POLA2: variants seen among roughly 807,000 people sequenced by gnomAD.
POLA2 encodes the protein DNA polymerase alpha 2, accessory subunit, also known as DNA polymerase alpha subunit B.
A neutral mutation model predicts 82.8 loss-of-function variants in POLA2; 47 were observed. The ratio of observed to expected loss-of-function variants is 0.57; its 90% confidence interval spans 0.45 to 0.72. POLA2 has a LOEUF of 0.72. Among genes scored for constraint, POLA2 ranks in the 30% least tolerant of loss-of-function variants. The probability of loss-of-function intolerance (pLI) is 0.00; values close to 1 mark genes in which losing one functional copy is unlikely to be tolerated. For missense variants in POLA2, 634 were observed against 728.1 expected, an observed-to-expected ratio of 0.87 and a Z score of 1.49; for synonymous variants, 287 against 286.8, an observed-to-expected ratio of 1.00 and a Z score of -0.01.
downstream of POLA2, among the ~76,000 whole-genome samples, chr11:65,302,818 C>T (rs1257328490): frequency 2.0e-5 from 3 of 152,084 alleles, no homozygotes; most frequent in East Asian, 5.8e-4. Context: ...GCCTCAACCT[C>T]CCAGGCTCAA....
chr11:65,302,432 C>T (rs1162803532), downstream of POLA2, among the ~76,000 whole-genome samples: 2 of 152,162 alleles, frequency 1.3e-5, no homozygotes, highest in Non-Finnish European at 2.9e-5. Context: ...CCTCCCACCA[C>T]CTGCCTCCTA....
rs1590910887 is a variant in POLA2, at chr11:65,294,652, G to C, written c.1460G>C (p.Ser487Thr). The change falls in exon 15 of 18, where the codon AGT becomes ACT. Residue 487 changes from serine (S) to threonine (T), a missense_variant and splice_region_variant. Physicochemically the swap from Ser to Thr is moderately conservative, Grantham distance 58 (BLOSUM62 1). Transcript: ENST00000265465. ...CACCTGGGGGCCGAGGAGATCAGTA[G>C]GTAAGAAGTGTGTTCCAGGCCCCAA... ...LFHLGAEEIS[S>T]SSGTSDRFSR... 1 of 1,603,940 alleles carries C rather than the reference G, an allele frequency of 6.2e-7. No individual in the cohort carries two copies. Among genetic ancestry groups the C allele is most frequent in the Non-Finnish European group, 8.5e-7 (1 of 1,171,438 alleles).
Position 65,268,660 on chromosome 11 carries a change from C to T in POLA2, c.297-12C>T, listed in dbSNP as rs2095388531. ...CCCAGCCATTATTGTTTTTCTTAAC[C>T]AGTGTTCTTAGAATTGAAGTGGAAG... On this transcript the variant is annotated splice_polypyrimidine_tract_variant and intron_variant, in intron 3 of 17. Transcript: ENST00000265465. 6.3e-7 allele frequency: 1 copy of T among 1,577,132 alleles called. No individual in the cohort carries two copies. Among genetic ancestry groups the T allele is most frequent in the Admixed American group, 1.7e-5 (1 of 57,150 alleles).
chr11:65,282,614 A>G (rs1949653185), intron 10 of POLA2, 93 bp downstream of exon 10: 2 of 1,076,614 alleles, frequency 1.9e-6, no homozygotes, highest in Middle Eastern at 4.0e-4. Context: ...AAGCTGCAGA[A>G]GCTGCTGAAG....
Position 65,284,284 on chromosome 11 carries a change from G to A in POLA2, c.1006+1763G>A, listed in dbSNP as rs79015364. Among the ~76,000 whole-genome samples the A allele has an allele frequency of 3.4e-3, 515 of 152,066 alleles. 6 individuals carry two copies. The highest frequency in any genetic ancestry group is 0.012 in the African/African-American group (483 of 41,460). The stretch of plus-strand genomic sequence containing the variant: ...GAGCCCAGTTTAAGTTTAGCCTCCC[G>A]GCACATAGTGGGTCTGCATCTCTAC... On this transcript the variant is annotated intron_variant, in intron 10 of 17. Transcript: ENST00000265465.
chr11:65,265,556 C>T (rs1159958457), intron 1 of POLA2, among the ~76,000 whole-genome samples: 1 of 152,130 alleles, frequency 6.6e-6, no homozygotes, highest in Non-Finnish European at 1.5e-5. Context: ...TCACAGCTCA[C>T]TGCAGCCTCA....
At chr11:65,284,045 G>A (rs1041684863) in intron 10 of POLA2, among the ~76,000 whole-genome samples, 2 of 151,858 alleles carry the variant, frequency 1.3e-5, no homozygotes, top group Non-Finnish European at 2.9e-5. Flanking sequence ...GAGGTGCGGG[G>A]ATCACTTGAG....
intron 10 of POLA2, among the ~76,000 whole-genome samples, chr11:65,285,574 C>CAAAA (rs573912827): frequency 1.6e-5 from 1 of 63,018 alleles, no homozygotes; most frequent in African/African-American, 5.9e-5. Flanking sequence ...GATCCTATCT[C>CAAAA]AAAAAAAAAA....
At chr11:65,283,627 C>A (rs554208910) in intron 10 of POLA2, among the ~76,000 whole-genome samples, 1 of 151,784 alleles carries the variant, frequency 6.6e-6, no homozygotes, top group Non-Finnish European at 1.5e-5. Context: ...ACACCACACC[C>A]GGCTAATTTT....
chr11:65,296,138 G>T lies in POLA2; in HGVS notation c.1647+148G>T, dbSNP rs1949808943. The T allele has an allele frequency of 2.2e-5, 18 of 812,538 alleles. No homozygotes were observed. In the South Asian group the frequency reaches 2.8e-4, roughly 13 times the overall value. 50.3% of individuals were successfully genotyped at this position (812,538 alleles called of 1,614,324 possible). A position where few individuals can be genotyped will look rare whatever the true frequency, so the allele number is the denominator to read the frequency against. On this transcript the variant is annotated intron_variant, in intron 17 of 17. Transcript: ENST00000265465. ...CCCTGTGGCCTTGTTTCTTTGGGGA[G>T]GTGGTGGGACCAGAAAACAAACAAC...
chr11:65,294,096 T>C, intron 13 of POLA2, 57 bp from the exon 14 acceptor site: 1 of 1,465,430 alleles, frequency 6.8e-7, no homozygotes, highest in Non-Finnish European at 9.6e-7. Flanking sequence ...GCGCAGCTGT[T>C]CTAACTCAAC....
chr11:65,292,161 A>G (rs1343082557), intron 13 of POLA2, among the ~76,000 whole-genome samples: 1 of 152,154 alleles, frequency 6.6e-6, no homozygotes, highest in Non-Finnish European at 1.5e-5. Context: ...GCTTGAACCC[A>G]GGAGGTAGAG....
At chr11:65,294,363 G>A in intron 14 of POLA2, 102 bp downstream of exon 14, 10 of 1,035,374 alleles carry the variant, frequency 9.7e-6, no homozygotes, top group Non-Finnish European at 1.5e-5. Flanking sequence ...TCTTTAGGGT[G>A]TGCGTACAGC....
At chr11:65,283,333 C>G (rs905697850) in intron 10 of POLA2, among the ~76,000 whole-genome samples, 2 of 152,084 alleles carry the variant, frequency 1.3e-5, no homozygotes, top group African/African-American at 4.8e-5. Flanking sequence ...GCATTAATGC[C>G]TTAATTTTGA....
downstream of POLA2, among the ~76,000 whole-genome samples, chr11:65,300,300 A>G (rs1300204472): frequency 6.6e-6 from 1 of 151,692 alleles, no homozygotes; most frequent in Non-Finnish European, 1.5e-5. Context: ...GGTTCGATGG[A>G]TTATCCTGCC....
intron 11 of POLA2, among the ~76,000 whole-genome samples, chr11:65,288,714 T>G (rs1210410950): frequency 6.6e-6 from 1 of 152,112 alleles, no homozygotes; most frequent in African/African-American, 2.4e-5. Flanking sequence ...GAGAGAGGGT[T>G]TCACCATATT....
chr11:65,267,666 C>T (rs543247330), intron 3 of POLA2, 98 bp downstream of exon 3: 37 of 739,924 alleles, frequency 5.0e-5, no homozygotes, highest in Admixed American at 4.2e-4. Context: ...ATAATAAGGC[C>T]GGGCACGGTG....
intron 5 of POLA2, among the ~76,000 whole-genome samples, chr11:65,277,598 G>C (rs982748498): frequency 3.3e-5 from 5 of 152,192 alleles, no homozygotes; most frequent in Admixed American, 6.5e-5. Flanking sequence ...CTGGTATGTA[G>C]GGATGGTTCT....
rs929984163 is a variant in POLA2 at position 65,262,197 on chromosome 11, G to C, written c.-96G>C. 2.2e-6 allele frequency: 2 copies of C among 892,924 alleles called. No individual in the cohort carries two copies. Among genetic ancestry groups the C allele is most frequent in the African/African-American group, 3.3e-5 (2 of 59,880 alleles). 55.3% of individuals were successfully genotyped at this position (892,924 alleles called of 1,614,324 possible). The stretch of plus-strand genomic sequence containing the variant: ...CGGTCCGCGGAGGGGGGAAGGATAA[G>C]AGGGCGAGGAGCTCATCGCTCGCCA... On this transcript the variant is annotated 5_prime_UTR_variant, in exon 1 of 18. Coordinates refer to ENST00000265465, the MANE Select transcript of POLA2 (RefSeq NM_002689.4).
Sources: gnomAD v4.1 joint callset for allele counts (sites outside exome capture counted in the v4.1 genomes callset) on GRCh38, gnomAD v4.1.1 for gene constraint, MANE v1.5 for transcripts, NCBI Gene and HGNC (gene_info 2026-07-23, HGNC 2026-07-21) for gene names.